Variants in EIF2AK2 observed in about 807,000 individuals in gnomAD.
The protein encoded by EIF2AK2 is interferon-induced, double-stranded RNA-activated protein kinase.
In EIF2AK2, 40 loss-of-function variants were observed where a neutral mutation model predicts 70.5. The ratio of observed to expected loss-of-function variants is 0.57; its 90% confidence interval spans 0.44 to 0.74. The LOEUF (loss-of-function observed/expected upper bound fraction) is 0.74, where lower values mean the gene tolerates loss of function less well. EIF2AK2 is among the 30% of genes least tolerant of loss of function. The probability of loss-of-function intolerance (pLI) is 0.00; values close to 1 mark genes in which losing one functional copy is unlikely to be tolerated. For synonymous variants in EIF2AK2, 198 were observed against 220.9 expected, an observed-to-expected ratio of 0.90 and a Z score of 0.92; for missense variants, 555 against 644.3, an observed-to-expected ratio of 0.86 and a Z score of 1.50.
chr2:37,147,853 T>G, intron 2 of EIF2AK2, 31 bp from the exon 3 acceptor site: 5 of 1,444,046 alleles, frequency 3.5e-6, no homozygotes, highest in Non-Finnish European at 4.9e-6. Flanking sequence ...GAATGAGTGA[T>G]GCTCACAGAA....
chr2:37,148,344 T>C (rs4648157), intron 2 of EIF2AK2, among the ~76,000 whole-genome samples: 3,692 of 152,120 alleles, frequency 0.024, 161 homozygotes, highest in African/African-American at 0.084. Flanking sequence ...ATTTAGAGTA[T>C]ATATAATAAG....
intron 14 of EIF2AK2, among the ~76,000 whole-genome samples, chr2:37,111,939 C>CTA (rs1174381920): frequency 0.043 from 5,205 of 121,520 alleles, 149 homozygotes; most frequent in Non-Finnish European, 0.057. Context: ...CTCTCTCTCT[C>CTA]TATATATATA....
chr2:37,153,683 T>A (rs574824119), intron 1 of EIF2AK2, among the ~76,000 whole-genome samples: 2 of 152,246 alleles, frequency 1.3e-5, no homozygotes, highest in African/African-American at 2.4e-5. Flanking sequence ...TAAGGCTGAA[T>A]AATATTCCGT....
chr2:37,121,647 G>A (rs898532762), intron 12 of EIF2AK2, among the ~76,000 whole-genome samples: 10 of 131,846 alleles, frequency 7.6e-5, no homozygotes, highest in African/African-American at 1.8e-4. Flanking sequence ...TGCTAACCAC[G>A]TTTTATTTTT....
chr2:37,130,674 C>T (rs145882713), intron 10 of EIF2AK2, among the ~76,000 whole-genome samples: 1 of 152,286 alleles, frequency 6.6e-6, no homozygotes, highest in East Asian at 1.9e-4. Context: ...CTTGGACTGA[C>T]GCTGACACAG....
chr2:37,107,530 G>T lies in EIF2AK2; in HGVS notation c.1480-3C>A. On this transcript the variant is annotated splice_polypyrimidine_tract_variant and splice_region_variant and intron_variant, in intron 15 of 16. Transcript: ENST00000233057. ...CCATCCCGTAGGTCTGTGAAAAACT[G>T]GAAAAAAAAATGATAGGTGTATATT... The T allele has an allele frequency of 6.9e-6, 11 of 1,598,876 alleles. No homozygotes were observed. The highest frequency in any genetic ancestry group is 9.4e-6 in the Non-Finnish European group (11 of 1,175,476).
chr2:37,108,713 G>A (rs1316646482), intron 15 of EIF2AK2, among the ~76,000 whole-genome samples: 1 of 152,114 alleles, frequency 6.6e-6, no homozygotes, highest in African/African-American at 2.4e-5. Context: ...GGGATTACAG[G>A]TGTGCACCAC....
chr2:37,149,266 GA>G, intron 1 of EIF2AK2: 1 of 1,058,770 alleles, frequency 9.4e-7, no homozygotes, highest in Non-Finnish European at 1.5e-6. Context: ...AACTGAAATT[GA>G]AGGAGGAGAA....
rs768805126 is a variant in EIF2AK2, at chr2:37,107,503, T to C, written c.1504A>G (p.Ile502Val). The change falls in exon 16 of 17, where the codon ATC becomes GTC. Residue 502 changes from isoleucine (I) to valine (V), a missense_variant. By Grantham distance (29) the Ile-to-Val change is conservative. This residue lies in a region of EIF2AK2 where 299 missense variants were observed against 375.4 expected (regional missense o/e 0.80). Coordinates refer to ENST00000233057, the MANE Select transcript of EIF2AK2 (RefSeq NM_001135651.3). ...TTTTTATCAAATATATCTGAGATGA[T>C]GCCATCCCGTAGGTCTGTGAAAAAC... ...SKFFTDLRDG[I>V]ISDIFDKKEK... 4 of 1,612,784 alleles carry C rather than the reference T, an allele frequency of 2.5e-6. No homozygotes were observed. In the Admixed American group the frequency reaches 5.0e-5, roughly 20 times the overall value.
intron 6 of EIF2AK2, among the ~76,000 whole-genome samples, chr2:37,139,314 C>G (rs1372133154): frequency 5.9e-5 from 4 of 67,368 alleles, no homozygotes; most frequent in Admixed American, 1.8e-4. Context: ...GATTCCATCT[C>G]AAAAAAAAAA....
rs910779585 is a variant in EIF2AK2 at position 37,123,087 on chromosome 2, G to A, written c.909-423C>T. Among the ~76,000 whole-genome samples the A allele has an allele frequency of 2.6e-5, 4 of 151,886 alleles. No homozygotes were observed. The East Asian group carries it at 7.9e-4, about 30-fold the overall frequency. The stretch of plus-strand genomic sequence containing the variant: ...GGAGGCTGAGGCAGGAGAATCGCTT[G>A]AATCCAGGAGGCGGAGGTTGCAGTG... On this transcript the variant is annotated intron_variant, in intron 11 of 16. Coordinates refer to ENST00000233057, the MANE Select transcript of EIF2AK2 (RefSeq NM_001135651.3).
intron 1 of EIF2AK2, among the ~76,000 whole-genome samples, chr2:37,150,435 C>G (rs1370927393): frequency 6.6e-6 from 1 of 151,872 alleles, no homozygotes; most frequent in African/African-American, 2.4e-5. Context: ...ATTTTTTTTG[C>G]ATTTTTTTCT....
chr2:37,155,768 C>G (rs187489902), intron 1 of EIF2AK2, among the ~76,000 whole-genome samples: 1 of 152,038 alleles, frequency 6.6e-6, no homozygotes, highest in Admixed American at 6.5e-5. Context: ...CGGTGAAACC[C>G]TGTCTCTACT....
chr2:37,151,262 C>A (rs1261235063), intron 1 of EIF2AK2, among the ~76,000 whole-genome samples: 1 of 151,622 alleles, frequency 6.6e-6, no homozygotes, highest in Non-Finnish European at 1.5e-5. Context: ...GACAAACCAC[C>A]CAATTAAAAA....
chr2:37,118,736 T>C (rs1558411800), intron 13 of EIF2AK2, among the ~76,000 whole-genome samples: 2 of 152,188 alleles, frequency 1.3e-5, no homozygotes, highest in South Asian at 2.1e-4. Flanking sequence ...AAAACACCAA[T>C]GCATCAGACA....
chr2:37,110,261 A>ATT lies in EIF2AK2; in HGVS notation c.1378-968_1378-967dup, dbSNP rs144095419. 3.8e-3 allele frequency among the ~76,000 whole-genome samples: 553 copies of ATT among 146,048 alleles called. 5 individuals are homozygous for ATT. The Middle Eastern group carries it at 0.04, about 10-fold the overall frequency. The stretch of plus-strand genomic sequence containing the variant: ...CATTTTTGTAGTTTTGTATTTCTGT[A>ATT]TTTTTGTTTTTTTAGTGGAGATGGA... On this transcript the variant is annotated intron_variant, in intron 14 of 16. Coordinates refer to ENST00000233057, the MANE Select transcript of EIF2AK2 (RefSeq NM_001135651.3).
intron 10 of EIF2AK2, among the ~76,000 whole-genome samples, chr2:37,127,732 G>A (rs897712234): frequency 4.6e-5 from 6 of 131,192 alleles, no homozygotes; most frequent in Admixed American, 2.8e-4. Context: ...ACCATAGTTT[G>A]TTCCTGCAAT....
chr2:37,136,844 T>G, intron 9 of EIF2AK2, 139 bp downstream of exon 9: 1 of 719,666 alleles, frequency 1.4e-6, no homozygotes, highest in East Asian at 3.2e-5. Flanking sequence ...TAAAATTATT[T>G]GTTTATAGAT....
At chr2:37,144,866 A>T (rs1675472111) in intron 4 of EIF2AK2, among the ~76,000 whole-genome samples, 1 of 150,900 alleles carries the variant, frequency 6.6e-6, no homozygotes, top group Non-Finnish European at 1.5e-5. Flanking sequence ...ACAGGCATGA[A>T]CCACCACACC....
Sources: allele counts gnomAD v4.1 joint callset (sites outside exome capture counted in the v4.1 genomes callset), GRCh38; gene constraint gnomAD v4.1.1; regional missense constraint gnomAD v4.1.1; transcripts MANE v1.5; gene names NCBI Gene and HGNC (gene_info 2026-07-23, HGNC 2026-07-21).